S100A8: variants seen among roughly 807,000 people sequenced by gnomAD.
S100A8 encodes the protein S100 calcium binding protein A8.
S100A8 carries 1 observed loss-of-function variant against 4.2 expected under a neutral mutation model. That is an observed-to-expected ratio of 0.24 (90% confidence interval 0.08 to 1.12). S100A8 has a LOEUF of 1.12. Ranked by LOEUF, S100A8 falls within the 50% of genes most tolerant of loss-of-function variation. The pLI, the probability that S100A8 is intolerant of heterozygous loss-of-function variation, is 0.53. For missense variants in S100A8, 96 were observed against 111.8 expected (o/e 0.86, Z 0.64); for synonymous variants, 41 against 44.7 (o/e 0.92, Z 0.33).
At chr1:153,405,740 T>TAA in the S100A8 span, among the ~76,000 whole-genome samples, 1 of 151,970 alleles carries the variant, frequency 6.6e-6, no homozygotes, top group Non-Finnish European at 1.5e-5. Context: ...GTGCTGGACA[T>TAA]AAAACCTGCA....
chr1:153,419,320 C>T, the S100A8 span: 1 of 1,612,018 alleles, frequency 6.2e-7, no homozygotes, highest in South Asian at 1.1e-5. Context: ...TCCAGCCCCA[C>T]CAAGGGGCCT....
chr1:153,412,072 G>C, the S100A8 span, among the ~76,000 whole-genome samples: 1 of 152,082 alleles, frequency 6.6e-6, no homozygotes, highest in African/African-American at 2.4e-5. Flanking sequence ...CATAGGCATG[G>C]GCAAAGACTT....
At chr1:153,410,579 GA>G in the S100A8 span, among the ~76,000 whole-genome samples, 3 of 152,240 alleles carry the variant, frequency 2.0e-5, no homozygotes, top group South Asian at 6.2e-4. Context: ...CATTCCTTCT[GA>G]AACTATTCCA....
upstream of S100A8, chr1:153,391,330 G>T (rs1662092396): frequency 3.1e-6 from 1 of 320,238 alleles, no homozygotes; most frequent in Non-Finnish European, 4.5e-6. Flanking sequence ...TGGGCTGCTG[G>T]CATCCACTTG....
At chr1:153,392,648 G>A (rs1289964759), upstream of S100A8, among the ~76,000 whole-genome samples, 3 of 152,152 alleles carry the variant, frequency 2.0e-5, no homozygotes, top group Non-Finnish European at 4.4e-5. Context: ...TGTTGCCGAG[G>A]GCTAAATCCA....
chr1:153,409,238 A>C, the S100A8 span, among the ~76,000 whole-genome samples: 1 of 152,212 alleles, frequency 6.6e-6, no homozygotes, highest in Admixed American at 6.5e-5. Flanking sequence ...GACCTATCTC[A>C]GGTGGAGAGA....
the S100A8 span, among the ~76,000 whole-genome samples, chr1:153,400,421 C>T: frequency 6.6e-6 from 1 of 152,112 alleles, no homozygotes; most frequent in South Asian, 2.1e-4. Flanking sequence ...GCCCCTTCTA[C>T]TTGGCCCCAT....
At chr1:153,418,525 TCA>T in the S100A8 span, among the ~76,000 whole-genome samples, 4 of 152,112 alleles carry the variant, frequency 2.6e-5, no homozygotes, top group Non-Finnish European at 4.4e-5. Context: ...AGACTGAAAC[TCA>T]CATGCTCAGG....
At position 153,390,552 on chromosome 1, in the gene S100A8, C is replaced by T; in HGVS notation, c.-17G>A. The T allele has an allele frequency of 6.2e-7, 1 of 1,613,862 alleles. No homozygotes were observed. The highest frequency in any genetic ancestry group is 8.5e-7 in the Non-Finnish European group (1 of 1,179,842). On this transcript the variant is annotated 5_prime_UTR_variant, in exon 2 of 3. Transcript: ENST00000368733. ...GGTCAACATGATGCCCACGGACTTG[C>T]CCCACCTGAAAAACAGAACCTTCTG...
chr1:153,397,569 G>C, the S100A8 span, among the ~76,000 whole-genome samples: 2 of 152,176 alleles, frequency 1.3e-5, no homozygotes, highest in East Asian at 3.8e-4. Flanking sequence ...GGGACAGAGT[G>C]GGAAGAGACA....
chr1:153,408,679 A>T, the S100A8 span, among the ~76,000 whole-genome samples: 2 of 152,246 alleles, frequency 1.3e-5, no homozygotes, highest in Non-Finnish European at 2.9e-5. Flanking sequence ...TAATTGTCAG[A>T]TTCACCAAAG....
chr1:153,403,864 C>G, the S100A8 span, among the ~76,000 whole-genome samples: 1 of 152,132 alleles, frequency 6.6e-6, no homozygotes, highest in African/African-American at 2.4e-5. Context: ...CCGTTCTGAT[C>G]CTAACTACCA....
the S100A8 span, among the ~76,000 whole-genome samples, chr1:153,410,674 C>A: frequency 1.1e-4 from 16 of 150,186 alleles, no homozygotes; most frequent in East Asian, 3.9e-4. Flanking sequence ...AGAGACACAA[C>A]AAAAAAAAAG....
chr1:153,415,784 A>T, the S100A8 span, among the ~76,000 whole-genome samples: 1,949 of 151,478 alleles, frequency 0.013, 40 homozygotes, highest in African/African-American at 0.043. Context: ...CCCCACCTAA[A>T]TCCAGGGCTT....
rs769494347 is a variant in S100A8 at position 153,390,496 on chromosome 1, C to T, written c.40G>A (p.Asp14Asn). The T allele has an allele frequency of 3.7e-6, 6 of 1,614,066 alleles. No homozygotes were observed. Among genetic ancestry groups the T allele is most frequent in the Non-Finnish European group, 5.1e-6 (6 of 1,180,044 alleles). Residue 14 changes from aspartate (D) to asparagine (N), a missense_variant, in exon 2 of 3, where the codon GAC becomes AAC. Coordinates refer to ENST00000368733, the MANE Select transcript of S100A8 (RefSeq NM_002964.5). ...ATCAGGGAGTACTTGTGGTAGACGT[C>T]GATGATAGAGTTCAAGGCTTTCTCC... ...ELEKALNSII[D>N]VYHKYSLIKG...
the S100A8 span, among the ~76,000 whole-genome samples, chr1:153,404,767 C>T: frequency 6.6e-6 from 1 of 152,216 alleles, no homozygotes; most frequent in Non-Finnish European, 1.5e-5. Flanking sequence ...AGCCCTCTGC[C>T]TTTCAGAAGC....
chr1:153,412,831 G>GT, the S100A8 span, among the ~76,000 whole-genome samples: 2 of 152,184 alleles, frequency 1.3e-5, no homozygotes, highest in African/African-American at 2.4e-5. Context: ...CATGTCCTTT[G>GT]TAGGGACACG....
chr1:153,414,215 A>G, the S100A8 span, among the ~76,000 whole-genome samples: 2 of 152,230 alleles, frequency 1.3e-5, no homozygotes, highest in Admixed American at 6.5e-5. Flanking sequence ...GACTTTTTAG[A>G]TGCAACACCA....
At chr1:153,408,435 T>C in the S100A8 span, among the ~76,000 whole-genome samples, 1 of 151,396 alleles carries the variant, frequency 6.6e-6, no homozygotes, top group Non-Finnish European at 1.5e-5. Flanking sequence ...GAAAAAAGAG[T>C]AAAAAGAAAT....
Sources: allele counts gnomAD v4.1 joint callset (sites outside exome capture counted in the v4.1 genomes callset), GRCh38; gene constraint gnomAD v4.1.1; transcripts MANE v1.5; gene names NCBI Gene and HGNC (gene_info 2026-07-23, HGNC 2026-07-21).